The following MYT1L variants were observed in gnomAD, a reference collection of about 807,000 sequenced individuals.
The protein encoded by MYT1L is myelin transcription factor 1-like protein.
In MYT1L, 12 loss-of-function variants were observed where a neutral mutation model predicts 126.7. The observed-to-expected ratio is 0.09, with a 90% CI of 0.06 to 0.15. The LOEUF (loss-of-function observed/expected upper bound fraction) is 0.15. Among genes scored for constraint, MYT1L ranks in the 10% least tolerant of loss-of-function variants. The pLI is 1.00. For missense variants in MYT1L, 979 were observed against 1,585.2 expected (o/e 0.62, Z 6.49); for synonymous variants, 541 against 604.2 (o/e 0.90, Z 1.53).
At chr2:1,924,057 TTGAC>T (rs961230912) in intron 9 of MYT1L, among the ~76,000 whole-genome samples, 5 of 152,198 alleles carry the variant, frequency 3.3e-5, no homozygotes, top group African/African-American at 1.2e-4. Flanking sequence ...TGCACAGTGT[TTGAC>T]TGGACAGGCA....
At chr2:1,812,179 GA>G (rs35285175) in intron 21 of MYT1L, among the ~76,000 whole-genome samples, 2,991 of 152,288 alleles carry the variant, frequency 0.02, 59 homozygotes, top group Non-Finnish European at 0.032. Context: ...GTGAGACCAG[GA>G]GGCCCACTGG....
At chr2:2,266,143 G>A (rs754288460) in intron 2 of MYT1L, among the ~76,000 whole-genome samples, 2 of 152,198 alleles carry the variant, frequency 1.3e-5, no homozygotes, top group African/African-American at 4.8e-5. Flanking sequence ...CTACGAGGCA[G>A]GTTCTATCTC....
At chr2:2,135,657 T>C (rs1208009035) in intron 3 of MYT1L, among the ~76,000 whole-genome samples, 1 of 152,102 alleles carries the variant, frequency 6.6e-6, no homozygotes, top group African/African-American at 2.4e-5. Context: ...AGTGGACGGA[T>C]GAAGAGAGAA....
At chr2:2,023,363 G>A (rs1432496901) in intron 4 of MYT1L, among the ~76,000 whole-genome samples, 1 of 152,204 alleles carries the variant, frequency 6.6e-6, no homozygotes, top group African/African-American at 2.4e-5. Flanking sequence ...TGTTTCCCAG[G>A]AGCTGCCTGG....
rs996176653 is a variant in MYT1L at position 1,790,183 on chromosome 2, C to T, written c.*1684G>A. The T allele has an allele frequency of 1.3e-5, 2 of 151,944 alleles. No homozygotes were observed. Among genetic ancestry groups the T allele is most frequent in the African/African-American group, 4.8e-5 (2 of 41,348 alleles). The allele number at this position is 151,944 out of a possible 1,614,324, so 9.4% of individuals were successfully genotyped here. A position where few individuals can be genotyped will look rare whatever the true frequency, so the allele number is the denominator to read the frequency against. On this transcript the variant is annotated 3_prime_UTR_variant, in exon 25 of 25. Coordinates refer to ENST00000647738, the MANE Select transcript of MYT1L (RefSeq NM_001303052.2). ...ATAGTCGACTGGCACATTGTGGGGACAATGACCCTGTAAGTCCTGTTCTGC... is the reference window on the plus strand; with the variant it reads ...ATAGTCGACTGGCACATTGTGGGGATAATGACCCTGTAAGTCCTGTTCTGC...
intron 3 of MYT1L, among the ~76,000 whole-genome samples, chr2:2,110,163 C>T (rs1190383802): frequency 6.6e-6 from 1 of 151,642 alleles, no homozygotes; most frequent in Admixed American, 6.6e-5. Context: ...CGTGCCATAA[C>T]CAGTCATCGT....
intron 3 of MYT1L, among the ~76,000 whole-genome samples, chr2:2,068,318 A>C (rs1488966081): frequency 6.6e-6 from 1 of 152,116 alleles, no homozygotes; most frequent in Non-Finnish European, 1.5e-5. Flanking sequence ...CAGTGGCTGA[A>C]GCTTTCTCCA....
intron 8 of MYT1L, among the ~76,000 whole-genome samples, chr2:1,954,250 A>G (rs2058134291): frequency 6.6e-6 from 1 of 152,148 alleles, no homozygotes; most frequent in South Asian, 2.1e-4. Context: ...CAGAAAACAT[A>G]CGGCAAACGC....
chr2:2,128,646 T>C (rs1208714720), intron 3 of MYT1L, among the ~76,000 whole-genome samples: 1 of 152,166 alleles, frequency 6.6e-6, no homozygotes, highest in African/African-American at 2.4e-5. Flanking sequence ...TTAATTAAAA[T>C]TTATAATGGT....
At chr2:2,294,467 G>A (rs763314982) in intron 1 of MYT1L, among the ~76,000 whole-genome samples, 1 of 152,124 alleles carries the variant, frequency 6.6e-6, no homozygotes, top group Non-Finnish European at 1.5e-5. Flanking sequence ...TGATGCCCGC[G>A]CCTGATGCAG....
At chr2:1,843,066 G>C (rs2042023861) in intron 19 of MYT1L, among the ~76,000 whole-genome samples, 1 of 152,194 alleles carries the variant, frequency 6.6e-6, no homozygotes, top group Non-Finnish European at 1.5e-5. Context: ...GTTCTTCCAC[G>C]CGACTCGTAG....
intron 2 of MYT1L, among the ~76,000 whole-genome samples, chr2:2,283,061 C>G (rs1573142907): frequency 6.6e-6 from 1 of 152,252 alleles, no homozygotes; most frequent in East Asian, 1.9e-4. Context: ...GGTGACAGAG[C>G]CAGACTCCAT....
At chr2:2,182,162 G>C (rs2091608421) in intron 2 of MYT1L, among the ~76,000 whole-genome samples, 1 of 152,128 alleles carries the variant, frequency 6.6e-6, no homozygotes, top group South Asian at 2.1e-4. Flanking sequence ...GCCACGGACA[G>C]CACGCCCCAC....
chr2:2,160,740 G>A (rs1318402235), intron 3 of MYT1L, among the ~76,000 whole-genome samples: 2 of 152,132 alleles, frequency 1.3e-5, no homozygotes, highest in Non-Finnish European at 2.9e-5. Flanking sequence ...ATGTTAAATG[G>A]CACCAAAGAA....
At chr2:1,960,708 T>C (rs2058889824) in intron 8 of MYT1L, among the ~76,000 whole-genome samples, 1 of 151,860 alleles carries the variant, frequency 6.6e-6, no homozygotes, top group African/African-American at 2.4e-5. Flanking sequence ...ATCACCTCCC[T>C]GGACCCTTCC....
At chr2:2,293,617 G>T (rs2095631610) in intron 1 of MYT1L, among the ~76,000 whole-genome samples, 1 of 152,152 alleles carries the variant, frequency 6.6e-6, no homozygotes, top group Non-Finnish European at 1.5e-5. Flanking sequence ...TGAGGAAGTA[G>T]TAACTGGTAT....
intron 2 of MYT1L, among the ~76,000 whole-genome samples, chr2:2,177,438 G>C (rs1215134541): frequency 6.6e-6 from 1 of 152,196 alleles, no homozygotes; most frequent in African/African-American, 2.4e-5. Context: ...AAAGTGACTA[G>C]AGGATGGTAC....
At chr2:1,891,896 T>C (rs2048927337) in intron 15 of MYT1L, 141 bp downstream of exon 15, 21 of 1,389,054 alleles carry the variant, frequency 1.5e-5, no homozygotes, top group Non-Finnish European at 2.0e-5. Context: ...CACTAATTGT[T>C]CACAGTGGCG....
intron 4 of MYT1L, among the ~76,000 whole-genome samples, chr2:2,027,987 T>C (rs1222624321): frequency 6.6e-6 from 1 of 152,268 alleles, no homozygotes. Context: ...TGCTTCCTCA[T>C]ATTCAATTTT....
Sources: gnomAD v4.1 joint callset for allele counts (sites outside exome capture counted in the v4.1 genomes callset) on GRCh38, gnomAD v4.1.1 for gene constraint, MANE v1.5 for transcripts, NCBI Gene and HGNC (gene_info 2026-07-23, HGNC 2026-07-21) for gene names.